Variants in FANCL observed in about 807,000 individuals in gnomAD.
FANCL encodes the protein E3 ubiquitin-protein ligase FANCL.
In FANCL, 69 loss-of-function variants were observed where a neutral mutation model predicts 59.4. That is an observed-to-expected ratio of 1.16 (90% CI 0.96 to 1.42). The LOEUF (loss-of-function observed/expected upper bound fraction) is 1.42. Among genes scored for constraint, FANCL ranks in the 40% most tolerant of loss-of-function variants. FANCL has a pLI of 0.00. For synonymous variants in FANCL, 180 were observed against 147.1 expected, an observed-to-expected ratio of 1.22 and a Z score of -1.62; for missense variants, 519 against 447.2, an observed-to-expected ratio of 1.16 and a Z score of -1.45.
intron 1 of FANCL, among the ~76,000 whole-genome samples, chr2:58,239,725 T>C (rs1415609929): frequency 6.6e-6 from 1 of 152,198 alleles, no homozygotes; most frequent in Non-Finnish European, 1.5e-5. Context: ...GAACTACGCC[T>C]GATTTGACCT....
At chr2:58,236,464 T>TA (rs1024816199) in intron 1 of FANCL, among the ~76,000 whole-genome samples, 73 of 145,516 alleles carry the variant, frequency 5.0e-4, no homozygotes, top group African/African-American at 9.3e-4. Flanking sequence ...AGCAACTAGT[T>TA]AAAAAAAAAA....
Position 58,159,820 on chromosome 2 carries a change from T to C in FANCL, c.1093-20A>G. ...AATTGGCTTTAAAAAGAGAACATATTTTAACAAAGTTTGTGGACACTCTAA... is the reference window on the plus strand; with the variant it reads ...AATTGGCTTTAAAAAGAGAACATATCTTAACAAAGTTTGTGGACACTCTAA... On this transcript the variant is annotated intron_variant, in intron 13 of 13. Transcript: ENST00000233741. 6.2e-7 allele frequency: 1 copy of C among 1,611,672 alleles called. No individual in the cohort carries two copies. Among genetic ancestry groups the C allele is most frequent in the Non-Finnish European group, 8.5e-7 (1 of 1,179,154 alleles).
intron 5 of FANCL, among the ~76,000 whole-genome samples, chr2:58,208,384 A>G (rs981163103): frequency 1.3e-5 from 2 of 152,186 alleles, no homozygotes; most frequent in Non-Finnish European, 1.5e-5. Context: ...ATCATTTGCT[A>G]TATTTCTTTA....
intron 3 of FANCL, among the ~76,000 whole-genome samples, chr2:58,228,135 C>G (rs1321947374): frequency 6.6e-6 from 1 of 151,800 alleles, no homozygotes; most frequent in East Asian, 1.9e-4. Context: ...CCTCTCACAA[C>G]TAATCCATAT....
At chr2:58,184,042 T>A (rs1336898386) in intron 7 of FANCL, among the ~76,000 whole-genome samples, 1 of 152,042 alleles carries the variant, frequency 6.6e-6, no homozygotes, top group East Asian at 1.9e-4. Flanking sequence ...GAATTCTAAA[T>A]ATAACTGTTT....
At chr2:58,174,522 C>T (rs932069211) in intron 7 of FANCL, among the ~76,000 whole-genome samples, 9 of 152,150 alleles carry the variant, frequency 5.9e-5, no homozygotes, top group Non-Finnish European at 1.0e-4. Flanking sequence ...ACTGAACAAC[C>T]TGCTCCAGAA....
chr2:58,205,364 ACTATT>A (rs1480931194), intron 5 of FANCL, among the ~76,000 whole-genome samples: 1 of 151,806 alleles, frequency 6.6e-6, no homozygotes, highest in African/African-American at 2.4e-5. Context: ...AGAAAACAAA[ACTATT>A]CTAGAAAGTG....
chr2:58,164,176 C>T (rs1685625606), intron 8 of FANCL, among the ~76,000 whole-genome samples: 1 of 151,940 alleles, frequency 6.6e-6, no homozygotes. Context: ...TGGACTACAG[C>T]GTAAGTTTCA....
chr2:58,227,111 G>A (rs1005914916), intron 3 of FANCL, among the ~76,000 whole-genome samples: 2 of 152,196 alleles, frequency 1.3e-5, no homozygotes, highest in Admixed American at 6.5e-5. Flanking sequence ...ATGGGAGTGT[G>A]GCTTGCTTCT....
rs758687156 is a variant in FANCL at position 58,159,681 on chromosome 2, A to AT, written c.*83dup. 35 of 1,612,282 alleles carry AT rather than the reference A, an allele frequency of 2.2e-5. No individual in the cohort carries two copies. The highest frequency in any genetic ancestry group is 2.0e-4 in the Admixed American group (12 of 59,748). Reference sequence around the variant, plus strand: ...TTTTGATGTTAGTATTTCTTGCTTTATTTTTTCTCTGAAGATGATACCAAA... The same window carrying AT: ...TTTTGATGTTAGTATTTCTTGCTTTATTTTTTTCTCTGAAGATGATACCAAA... On this transcript the variant is annotated 3_prime_UTR_variant, in exon 14 of 14. Coordinates refer to ENST00000233741, the MANE Select transcript of FANCL (RefSeq NM_018062.4).
At chr2:58,177,017 A>G (rs1443114983) in intron 7 of FANCL, among the ~76,000 whole-genome samples, 3 of 152,222 alleles carry the variant, frequency 2.0e-5, no homozygotes, top group African/African-American at 4.8e-5. Context: ...GCAGCCAAGA[A>G]ACACATGAAA....
intron 7 of FANCL, among the ~76,000 whole-genome samples, chr2:58,191,511 T>C (rs1427549369): frequency 6.6e-6 from 1 of 151,864 alleles, no homozygotes; most frequent in Non-Finnish European, 1.5e-5. Flanking sequence ...TAGTACAATG[T>C]ATATGTAGTC....
intron 8 of FANCL, 143 bp downstream of exon 8, chr2:58,165,581 T>C (rs1573530555): frequency 3.3e-6 from 3 of 910,044 alleles, no homozygotes; most frequent in African/African-American, 3.4e-5. Context: ...TTTAAATGTG[T>C]AGCCAAAAAA....
chr2:58,224,538 T>C lies in FANCL; in HGVS notation c.273+2190A>G, dbSNP rs539717987. On this transcript the variant is annotated intron_variant, in intron 4 of 13. Coordinates refer to ENST00000233741, the MANE Select transcript of FANCL (RefSeq NM_018062.4). Reference sequence around the variant, plus strand: ...TCAAAGTCCTACCTTAGAAGGTTCTTATTAGCATTAAAAAAGGACTCCAGA... The same window carrying C: ...TCAAAGTCCTACCTTAGAAGGTTCTCATTAGCATTAAAAAAGGACTCCAGA... Among the ~76,000 whole-genome samples, 19 of 151,996 alleles carry C rather than the reference T, an allele frequency of 1.3e-4. No individual in the cohort carries two copies. The East Asian group carries it at 3.7e-3, about 29-fold the overall frequency.
chr2:58,180,881 TGA>T (rs1491308494), intron 7 of FANCL, among the ~76,000 whole-genome samples: 1 of 151,854 alleles, frequency 6.6e-6, no homozygotes, highest in African/African-American at 2.4e-5. Flanking sequence ...GAAAAAAAAG[TGA>T]GAGTACTAAT....
At chr2:58,235,410 T>C (rs1432144145) in intron 1 of FANCL, among the ~76,000 whole-genome samples, 3 of 152,110 alleles carry the variant, frequency 2.0e-5, no homozygotes, top group South Asian at 2.1e-4. Context: ...TCAGAAGGTG[T>C]TGCTTCACTT....
intron 7 of FANCL, among the ~76,000 whole-genome samples, chr2:58,175,275 C>T (rs897728931): frequency 4.7e-5 from 7 of 148,798 alleles, no homozygotes; most frequent in Admixed American, 2.0e-4. Context: ...TCCTCCCTAA[C>T]TCATTTTATG....
intron 7 of FANCL, among the ~76,000 whole-genome samples, chr2:58,188,950 G>A (rs2105024636): frequency 6.6e-6 from 1 of 152,232 alleles, no homozygotes; most frequent in East Asian, 1.9e-4. Flanking sequence ...TATATTACAT[G>A]CTACAACATG....
intron 3 of FANCL, 82 bp downstream of exon 3, chr2:58,229,732 T>C: frequency 9.8e-7 from 1 of 1,023,070 alleles, no homozygotes; most frequent in Non-Finnish European, 1.5e-6. Flanking sequence ...TACAACATTG[T>C]GCAAAGCAGG....
Sources: allele counts gnomAD v4.1 joint callset (sites outside exome capture counted in the v4.1 genomes callset), GRCh38; gene constraint gnomAD v4.1.1; transcripts MANE v1.5; gene names NCBI Gene and HGNC (gene_info 2026-07-23, HGNC 2026-07-21).